CADPS: variants seen among roughly 807,000 people sequenced by gnomAD.
CADPS encodes calcium-dependent secretion activator 1.
Under a neutral mutation model 167.3 loss-of-function variants are expected in CADPS, and 57 were observed. That is an observed-to-expected ratio of 0.34 (90% CI 0.28 to 0.42). The LOEUF (loss-of-function observed/expected upper bound fraction) is 0.42. Ranked by LOEUF, CADPS falls within the 20% of genes least tolerant of loss-of-function variation. The pLI, the probability that CADPS is intolerant of heterozygous loss-of-function variation, is 1.00. For synonymous variants in CADPS, 676 were observed against 635.3 expected (o/e 1.06, Z -0.96); for missense variants, 1,414 against 1,738.1 (o/e 0.81, Z 3.32).
At chr3:62,474,151 G>GTTTTTTTTT (rs770935132) in intron 24 of CADPS, 22 bp downstream of exon 24, 3 of 496,848 alleles carry the variant, frequency 6.0e-6, no homozygotes, top group South Asian at 2.8e-5. Flanking sequence ...AAAAAAATCT[G>GTTTTTTTTT]TATTTTTTTT....
intron 1 of CADPS, among the ~76,000 whole-genome samples, chr3:62,829,301 T>C (rs935677760): frequency 2.0e-5 from 3 of 152,308 alleles, no homozygotes; most frequent in South Asian, 2.1e-4. Flanking sequence ...ACTATTTATA[T>C]AGCATTGACA....
chr3:62,410,061 C>A (rs1165938435), intron 28 of CADPS, among the ~76,000 whole-genome samples: 2 of 152,142 alleles, frequency 1.3e-5, no homozygotes, highest in Non-Finnish European at 2.9e-5. Context: ...TATACACACA[C>A]ACATACTCCC....
At chr3:62,747,496 T>G (rs1348908873) in intron 3 of CADPS, among the ~76,000 whole-genome samples, 1 of 152,194 alleles carries the variant, frequency 6.6e-6, no homozygotes, top group Non-Finnish European at 1.5e-5. Context: ...TCTAATAAAC[T>G]ATCTGAAAAG....
chr3:62,457,268 A>G (rs1324717734), intron 26 of CADPS, among the ~76,000 whole-genome samples: 1 of 152,238 alleles, frequency 6.6e-6, no homozygotes, highest in Non-Finnish European at 1.5e-5. Context: ...TTTACAGATT[A>G]GGCAACTAAG....
intron 1 of CADPS, among the ~76,000 whole-genome samples, chr3:62,841,859 T>C (rs936795574): frequency 6.6e-6 from 1 of 152,228 alleles, no homozygotes; most frequent in African/African-American, 2.4e-5. Context: ...TATTTCCCTC[T>C]GGCTTATGGT....
chr3:62,465,450 A>G lies in CADPS; in HGVS notation c.3553T>C (p.Phe1185Leu), dbSNP rs777122141. ...KEMITLLVAK[F>L]VTILEGVLAK... ...AGCACTCCTTCCAAGATAGTAACGA[A>G]CTAGAAAAACAGCAAAAAAGAAAAA... The change falls in exon 26 of 30, where the codon TTC becomes CTC. Residue 1185 changes from phenylalanine to leucine, a missense_variant and splice_region_variant. Around this residue, in one of 6 missense-constraint regions of CADPS, gnomAD observed 185 missense variants for 251.5 expected, o/e 0.74. Coordinates refer to ENST00000383710, the MANE Select transcript of CADPS (RefSeq NM_003716.4). The surrounding 1 kb of genome is among the most constrained non-coding windows in gnomAD (Gnocchi z 4.1). 1.3e-6 allele frequency: 2 copies of G among 1,597,068 alleles called. No individual in the cohort carries two copies. The highest frequency in any genetic ancestry group is 1.1e-5 in the South Asian group (1 of 87,374).
chr3:62,589,609 G>C (rs1274304207), intron 7 of CADPS, among the ~76,000 whole-genome samples: 1 of 152,190 alleles, frequency 6.6e-6, no homozygotes. Context: ...CAAGAGAGGT[G>C]ATGACTGTGG....
intron 3 of CADPS, among the ~76,000 whole-genome samples, chr3:62,685,313 A>G (rs368583984): frequency 1.3e-5 from 2 of 152,026 alleles, no homozygotes; most frequent in Non-Finnish European, 1.5e-5. Flanking sequence ...ACAGGTAGAC[A>G]TTCCTGACAC....
chr3:62,425,624 T>G (rs909319031), intron 28 of CADPS, among the ~76,000 whole-genome samples: 9 of 152,180 alleles, frequency 5.9e-5, no homozygotes, highest in African/African-American at 2.2e-4. Context: ...ATAAAAAGAA[T>G]TTAGCCCTCA....
intron 26 of CADPS, among the ~76,000 whole-genome samples, chr3:62,463,011 G>A (rs2059549250): frequency 6.6e-6 from 1 of 152,154 alleles, no homozygotes; most frequent in African/African-American, 2.4e-5. Flanking sequence ...CACTAAGGAG[G>A]GAAGTTACGG....
At chr3:62,723,761 G>A (rs1466615706) in intron 3 of CADPS, among the ~76,000 whole-genome samples, 1 of 152,232 alleles carries the variant, frequency 6.6e-6, no homozygotes, top group Non-Finnish European at 1.5e-5. Context: ...AATGCGAGAA[G>A]CCTGCTGCTC....
intron 28 of CADPS, among the ~76,000 whole-genome samples, chr3:62,430,545 G>T (rs1457597590): frequency 6.6e-6 from 1 of 152,078 alleles, no homozygotes; most frequent in Non-Finnish European, 1.5e-5. Context: ...TTTAATTTTA[G>T]CTTGGAAGTA....
intron 28 of CADPS, chr3:62,404,292 C>A (rs1346112264): frequency 6.6e-6 from 1 of 152,556 alleles, no homozygotes; most frequent in Non-Finnish European, 1.5e-5. Context: ...CCAATACACA[C>A]GCACATGCAC....
At chr3:62,528,174 C>T (rs1217146716) in intron 13 of CADPS, among the ~76,000 whole-genome samples, 2 of 152,166 alleles carry the variant, frequency 1.3e-5, no homozygotes, top group Non-Finnish European at 2.9e-5. Context: ...CCATCTCACA[C>T]CATATACAAG....
At chr3:62,834,059 T>C (rs2075539321) in intron 1 of CADPS, among the ~76,000 whole-genome samples, 1 of 152,190 alleles carries the variant, frequency 6.6e-6, no homozygotes, top group Admixed American at 6.5e-5. Context: ...GTAAGTTCTC[T>C]GTCATGGGTC....
At chr3:62,586,214 G>A (rs9817767) in intron 7 of CADPS, among the ~76,000 whole-genome samples, 19,796 of 152,206 alleles carry the variant, frequency 0.13, 2,851 homozygotes, top group African/African-American at 0.36. Flanking sequence ...GGCTTGCTAA[G>A]ATTTGCTTCT....
intron 1 of CADPS, among the ~76,000 whole-genome samples, chr3:62,842,331 T>A (rs919141968): frequency 1.2e-4 from 18 of 152,290 alleles, no homozygotes; most frequent in Middle Eastern, 3.4e-3. Context: ...CAAAGTCACA[T>A]AGATGATAAA....
intron 17 of CADPS, among the ~76,000 whole-genome samples, chr3:62,505,521 C>T (rs2066507801): frequency 6.6e-6 from 1 of 152,204 alleles, no homozygotes; most frequent in Admixed American, 6.5e-5. Flanking sequence ...TCCACCTCAA[C>T]TGTTGCTAAA....
intron 3 of CADPS, among the ~76,000 whole-genome samples, chr3:62,668,557 G>A (rs2074915863): frequency 6.6e-6 from 1 of 152,110 alleles, no homozygotes; most frequent in African/African-American, 2.4e-5. Flanking sequence ...CAGCAACTCT[G>A]CTCTGTTCTC....
Sources: allele counts gnomAD v4.1 joint callset (sites outside exome capture counted in the v4.1 genomes callset), GRCh38; gene constraint gnomAD v4.1.1; regional missense constraint gnomAD v4.1.1; non-coding constraint Gnocchi (gnomAD v3.1); transcripts MANE v1.5; gene names NCBI Gene and HGNC (gene_info 2026-07-23, HGNC 2026-07-21).